The following SEC23IP variants were observed in gnomAD, a reference collection of about 807,000 sequenced individuals.
SEC23IP encodes the protein SEC23 interacting protein, also known as SEC23-interacting protein.
In SEC23IP, 70 loss-of-function variants were observed where a neutral mutation model predicts 113.4. That is an observed-to-expected ratio of 0.62 (90% CI 0.51 to 0.75). The LOEUF (loss-of-function observed/expected upper bound fraction) is 0.75, where lower values mean the gene tolerates loss of function less well. Ranked by LOEUF, SEC23IP falls within the 30% of genes least tolerant of loss-of-function variation. The probability of loss-of-function intolerance (pLI) is 0.00; values close to 1 mark genes in which losing one functional copy is unlikely to be tolerated. For missense variants in SEC23IP, 1,160 were observed against 1,204.9 expected, an observed-to-expected ratio of 0.96 and a Z score of 0.55; for synonymous variants, 398 against 421.0, an observed-to-expected ratio of 0.95 and a Z score of 0.67.
chr10:119,921,948 T>G (rs1564918932), intron 12 of SEC23IP, among the ~76,000 whole-genome samples: 1 of 134,378 alleles, frequency 7.4e-6, no homozygotes, highest in Non-Finnish European at 1.6e-5. Flanking sequence ...TGATTTTTTT[T>G]TTAATGGTTA....
At chr10:119,918,194 C>A in intron 9 of SEC23IP, 150 bp downstream of exon 9, 1 of 743,162 alleles carries the variant, frequency 1.3e-6, no homozygotes, top group Non-Finnish European at 2.2e-6. Flanking sequence ...TTAGATTCTG[C>A]CTTTTCTATA....
chr10:119,920,947 A>T lies in SEC23IP; in HGVS notation c.2084A>T (p.Lys695Met). Residue 695 changes from lysine (K) to methionine (M), a missense_variant, in exon 12 of 19, where the codon AAG (lysine) becomes ATG (methionine). Physicochemically the swap from Lys to Met is moderately conservative, Grantham distance 95. Coordinates refer to ENST00000369075, the MANE Select transcript of SEC23IP (RefSeq NM_007190.4). ...GGGATACCCCTTGGACCCAGAAAGA[A>T]GATAGCTAACTTTGTAGAACATAAA... ...EMGIPLGPRK[K>M]IANFVEHKAA... 6.2e-7 allele frequency: 1 copy of T among 1,613,880 alleles called. No individual in the cohort carries two copies. The highest frequency in any genetic ancestry group is 8.5e-7 in the Non-Finnish European group (1 of 1,179,800).
Position 119,895,155 on chromosome 10 carries a change from G to A in SEC23IP, c.163+2210G>A, listed in dbSNP as rs11199115. Among the ~76,000 whole-genome samples, 25 of 152,184 alleles carry A rather than the reference G, an allele frequency of 1.6e-4. No homozygotes were observed. The East Asian group carries it at 4.1e-3, about 25-fold the overall frequency. On this transcript the variant is annotated intron_variant, in intron 1 of 18. Transcript: ENST00000369075. ...TCCCAGCACTTTGTGGGGCTGAGGCGGGTGGATCACCTGAGGTCAGGAGTT... is the reference window on the plus strand; with the variant it reads ...TCCCAGCACTTTGTGGGGCTGAGGCAGGTGGATCACCTGAGGTCAGGAGTT...
rs566479754 is a variant in SEC23IP, at chr10:119,912,232, T to C, written c.1312+68T>C. 9.0e-5 allele frequency: 137 copies of C among 1,526,130 alleles called. No homozygotes were observed. The African/African-American group carries it at 1.8e-3, about 20-fold the overall frequency. The allele number at this position is 1,526,130 out of a possible 1,614,324, so 94.5% of individuals were successfully genotyped here. A position where few individuals can be genotyped will look rare whatever the true frequency, so the allele number is the denominator to read the frequency against. On this transcript the variant is annotated intron_variant, in intron 6 of 18. Transcript: ENST00000369075. ...TCCATTTTAGCATCATTCTTTAGAA[T>C]GATGAAGAAATAAACAGTTATTAGA...
At position 119,898,609 on chromosome 10, in the gene SEC23IP, C is replaced by A. The variant is rs768186829; in HGVS notation, c.346C>A (p.Pro116Thr). The A allele has an allele frequency of 1.9e-6, 3 of 1,614,094 alleles. No individual in the cohort carries two copies. ...TSVGQSGFPK[P>T]LTALPFTTGS... is the part of the protein sequence containing the mutation. ...AGTTGGACAATCAGGATTCCCCAAGCCCCTGACTGCTCTCCCTTTTACAAC... is the reference window on the plus strand; with the variant it reads ...AGTTGGACAATCAGGATTCCCCAAGACCCTGACTGCTCTCCCTTTTACAAC... The change falls in exon 2 of 19, where the codon CCC becomes ACC. Residue 116 changes from proline to threonine, a missense_variant. By Grantham distance (38) the Pro-to-Thr change is conservative (BLOSUM62 -1). Transcript: ENST00000369075.
Position 119,942,960 on chromosome 10 carries a change from A to C in SEC23IP, c.*2395A>C, listed in dbSNP as rs1254789083. On this transcript the variant is annotated 3_prime_UTR_variant, in exon 19 of 19. Coordinates refer to ENST00000369075, the MANE Select transcript of SEC23IP (RefSeq NM_007190.4). ...TACATGAAAAGGAGGAGATGCCGCT[A>C]TCTTGGCAGGGATGATCATGTATTT... 1 of 152,236 alleles carries C rather than the reference A, an allele frequency of 6.6e-6. No homozygotes were observed. The highest frequency in any genetic ancestry group is 1.5e-5 in the Non-Finnish European group (1 of 68,042). The allele number at this position is 152,236 out of a possible 1,614,324, so 9.4% of individuals were successfully genotyped here. A position where few individuals can be genotyped will look rare whatever the true frequency, so the allele number is the denominator to read the frequency against.
rs182142893 is a variant in SEC23IP at position 119,925,262 on chromosome 10, C to G, written c.2122-774C>G. ...CTAGTTAACTCCTCCTACCACAAAA[C>G]CACTCTTCTGATTTCCTTCAATATG... On this transcript the variant is annotated intron_variant, in intron 12 of 18. Coordinates refer to ENST00000369075, the MANE Select transcript of SEC23IP (RefSeq NM_007190.4). Among the ~76,000 whole-genome samples the G allele has an allele frequency of 3.7e-3, 571 of 152,320 alleles. 11 individuals carry two copies. The highest frequency in any genetic ancestry group is 8.3e-4 in the South Asian group (4 of 4,826).
chr10:119,927,332 C>G (rs192262999), intron 13 of SEC23IP, among the ~76,000 whole-genome samples: 9 of 152,290 alleles, frequency 5.9e-5, no homozygotes, highest in Admixed American at 2.0e-4. Flanking sequence ...GTTCCACAAC[C>G]TGGGTGGCCT....
At position 119,942,867 on chromosome 10, in the gene SEC23IP, C is replaced by T. The variant is rs570426067; in HGVS notation, c.*2302C>T. ...AAAACCACAGTATAAGACAAGGAAA[C>T]TGCACAGATTCGAGTGATTTTTGAG... On this transcript the variant is annotated 3_prime_UTR_variant, in exon 19 of 19. Coordinates refer to ENST00000369075, the MANE Select transcript of SEC23IP (RefSeq NM_007190.4). 1.2e-4 allele frequency: 19 copies of T among 152,274 alleles called. No homozygotes were observed. Among genetic ancestry groups the T allele is most frequent in the African/African-American group, 3.6e-4 (15 of 41,552 alleles). 9.4% of individuals were successfully genotyped at this position (152,274 alleles called of 1,614,324 possible).
Position 119,892,820 on chromosome 10 carries a change from C to G in SEC23IP, c.38C>G (p.Ala13Gly), listed in dbSNP as rs147086838. ...AAACCTAACGGTGGCAGCGGCGGCGCCTCCACTTCCTCATCGGGCACTAAC... is the reference window on the plus strand; with the variant it reads ...AAACCTAACGGTGGCAGCGGCGGCGGCTCCACTTCCTCATCGGGCACTAAC... ...ERKPNGGSGG[A>G]STSSSGTNLL... Residue 13 changes from alanine to glycine, a missense_variant, in exon 1 of 19, where the codon GCC becomes GGC. Transcript: ENST00000369075. The G allele has an allele frequency of 6.2e-7, 1 of 1,612,936 alleles. No homozygotes were observed. The highest frequency in any genetic ancestry group is 8.5e-7 in the Non-Finnish European group (1 of 1,179,676).
intron 18 of SEC23IP, among the ~76,000 whole-genome samples, chr10:119,940,296 T>C (rs1472129941): frequency 4.0e-5 from 6 of 151,084 alleles, no homozygotes; most frequent in Admixed American, 3.3e-4. Flanking sequence ...CACACCATTC[T>C]CCTGCCTCAG....
chr10:119,929,525 C>G, intron 13 of SEC23IP, 82 bp from the exon 14 acceptor site: 1 of 1,245,266 alleles, frequency 8.0e-7, no homozygotes. Context: ...TGAGCCACCA[C>G]GCCCGGCCTG....
chr10:119,944,356 C>T lies in SEC23IP; in HGVS notation c.*3791C>T, dbSNP rs1168115455. ...TGTAAGTTTCCTGAGGTCTCCCCAACCATGCAGAACTGTGAGTCACTTGAA... is the reference window on the plus strand; with the variant it reads ...TGTAAGTTTCCTGAGGTCTCCCCAATCATGCAGAACTGTGAGTCACTTGAA... On this transcript the variant is annotated 3_prime_UTR_variant, in exon 19 of 19. Transcript: ENST00000369075. 1 of 152,216 alleles carries T rather than the reference C, an allele frequency of 6.6e-6. No individual in the cohort carries two copies. The highest frequency in any genetic ancestry group is 6.5e-5 in the Admixed American group (1 of 15,276). 9.4% of individuals were successfully genotyped at this position (152,216 alleles called of 1,614,324 possible).
At chr10:119,912,721 A>G (rs542402255) in intron 6 of SEC23IP, among the ~76,000 whole-genome samples, 2 of 143,296 alleles carry the variant, frequency 1.4e-5, no homozygotes, top group South Asian at 2.2e-4. Flanking sequence ...GCTCATTACA[A>G]CCTCCGCCTC....
intron 6 of SEC23IP, among the ~76,000 whole-genome samples, chr10:119,912,743 C>T (rs760502040): frequency 2.0e-5 from 3 of 150,606 alleles, no homozygotes; most frequent in Non-Finnish European, 4.4e-5. Context: ...CAGGTTCATG[C>T]GATTCTCTTG....
At position 119,944,334 on chromosome 10, in the gene SEC23IP, A is replaced by C. The variant is rs1224813005; in HGVS notation, c.*3769A>C. 1 of 152,188 alleles carries C rather than the reference A, an allele frequency of 6.6e-6. No homozygotes were observed. The highest frequency in any genetic ancestry group is 1.5e-5 in the Non-Finnish European group (1 of 68,074). The allele number at this position is 152,188 out of a possible 1,614,324, so 9.4% of individuals were successfully genotyped here. On this transcript the variant is annotated 3_prime_UTR_variant, in exon 19 of 19. Coordinates refer to ENST00000369075, the MANE Select transcript of SEC23IP (RefSeq NM_007190.4). ...GTTCCCCGAGGTTCGTCATGATTGT[A>C]AGTTTCCTGAGGTCTCCCCAACCAT... is the stretch of plus-strand genomic sequence containing the variant.
Position 119,892,799 on chromosome 10 carries a change from C to T in SEC23IP, c.17C>T (p.Pro6Leu), listed in dbSNP as rs544398633. 2 of 1,611,588 alleles carry T rather than the reference C, an allele frequency of 1.2e-6. No homozygotes were observed. Among genetic ancestry groups the T allele is most frequent in the East Asian group, 2.2e-5 (1 of 44,832 alleles). Residue 6 changes from proline to leucine, a missense_variant, in exon 1 of 19, where the codon CCT (proline) becomes CTT (leucine). Transcript: ENST00000369075. Reference sequence around the variant, plus strand: ...GCCGCAGCCATGGCCGAGAGAAAACCTAACGGTGGCAGCGGCGGCGCCTCC... The same window carrying T: ...GCCGCAGCCATGGCCGAGAGAAAACTTAACGGTGGCAGCGGCGGCGCCTCC... MAERK[P>L]NGGSGGASTS...
intron 13 of SEC23IP, among the ~76,000 whole-genome samples, chr10:119,927,251 T>A (rs1855452161): frequency 6.6e-6 from 1 of 152,240 alleles, no homozygotes; most frequent in Non-Finnish European, 1.5e-5. Context: ...TTTCACTGTT[T>A]GGAGAGATAA....
chr10:119,901,062 C>T (rs1654016463), intron 2 of SEC23IP, among the ~76,000 whole-genome samples: 3 of 128,852 alleles, frequency 2.3e-5, no homozygotes, highest in Middle Eastern at 5.7e-3. Flanking sequence ...GGGTCTTGCT[C>T]TGTCATCCAG....
Sources: allele counts gnomAD v4.1 joint callset (sites outside exome capture counted in the v4.1 genomes callset), GRCh38; gene constraint gnomAD v4.1.1; transcripts MANE v1.5; gene names NCBI Gene and HGNC (gene_info 2026-07-23, HGNC 2026-07-21).